Variants in CEMIP2 observed in about 807,000 individuals in gnomAD.
CEMIP2 encodes the protein cell migration inducing hyaluronidase 2.
In CEMIP2, 79 loss-of-function variants were observed where a neutral mutation model predicts 146.9. That is an observed-to-expected ratio of 0.54 (90% CI 0.45 to 0.65). The LOEUF (loss-of-function observed/expected upper bound fraction) is 0.65, where lower values mean the gene tolerates loss of function less well. Among genes scored for constraint, CEMIP2 ranks in the 30% least tolerant of loss-of-function variants. CEMIP2 has a pLI of 0.00. For missense variants in CEMIP2, 1,596 were observed against 1,696.2 expected (o/e 0.94, Z 1.04); for synonymous variants, 601 against 606.3 (o/e 0.99, Z 0.13).
intron 12 of CEMIP2, among the ~76,000 whole-genome samples, chr9:71,719,363 C>T (rs1307846693): frequency 6.6e-6 from 1 of 152,018 alleles, no homozygotes; most frequent in Non-Finnish European, 1.5e-5. Context: ...AGGAAGTTTG[C>T]TGGAGAGAAA....
At chr9:71,731,592 A>G (rs72737976) in intron 7 of CEMIP2, among the ~76,000 whole-genome samples, 10,700 of 152,120 alleles carry the variant, frequency 0.07, 541 homozygotes, top group South Asian at 0.19. Flanking sequence ...TTAGCCAGGC[A>G]CTGTGGTGTA....
intron 5 of CEMIP2, among the ~76,000 whole-genome samples, chr9:71,735,532 A>T (rs11142987): frequency 0.013 from 2,016 of 152,270 alleles, 33 homozygotes; most frequent in African/African-American, 0.046. Context: ...CACACCTGTA[A>T]TCCCAGCACT....
chr9:71,700,510 C>T (rs1237837345), intron 19 of CEMIP2, 132 bp downstream of exon 19: 5 of 903,066 alleles, frequency 5.5e-6, no homozygotes, highest in Non-Finnish European at 8.1e-6. Flanking sequence ...CTCTAAACCT[C>T]TAATAGAGAA....
At chr9:71,716,415 G>T in intron 14 of CEMIP2, 102 bp downstream of exon 14, 3 of 1,002,092 alleles carry the variant, frequency 3.0e-6, no homozygotes, top group South Asian at 1.6e-5. Flanking sequence ...TTTTTTTTAT[G>T]TTAAAAAAAA....
chr9:71,744,671 A>G (rs1368399082), intron 4 of CEMIP2, among the ~76,000 whole-genome samples: 1 of 152,212 alleles, frequency 6.6e-6, no homozygotes, highest in Non-Finnish European at 1.5e-5. Context: ...AATTAGCCTG[A>G]GTTTCATATG....
chr9:71,714,581 T>C (rs1237652841), intron 15 of CEMIP2, among the ~76,000 whole-genome samples: 1 of 152,142 alleles, frequency 6.6e-6, no homozygotes, highest in Non-Finnish European at 1.5e-5. Flanking sequence ...CCTAATGTCA[T>C]AGTTTAGGGT....
Position 71,740,092 on chromosome 9 carries a change from G to C in CEMIP2, c.1175C>G (p.Ser392Cys), listed in dbSNP as rs751166066. The C allele has an allele frequency of 5.0e-6, 8 of 1,613,838 alleles. No homozygotes were observed. The South Asian group carries it at 8.8e-5, about 18-fold the overall frequency. The change falls in exon 5 of 24, where the codon TCT becomes TGT. Residue 392 changes from serine (S) to cysteine (C), a missense_variant. Coordinates refer to ENST00000377044, the MANE Select transcript of CEMIP2 (RefSeq NM_013390.3). ...AATCCATTCACTATAAGCTGTCACA[G>C]AGAACTTCTGGCCATCCACAGTATA... Reference protein sequence around the residue: ...EFYTVDGQKFSVTAYSEWIEG... With the variant: ...EFYTVDGQKFCVTAYSEWIEG...
chr9:71,718,202 G>C (rs1823125527), intron 12 of CEMIP2, 123 bp from the exon 13 acceptor site: 1 of 916,806 alleles, frequency 1.1e-6, no homozygotes, highest in African/African-American at 1.7e-5. Flanking sequence ...AAATTCTTAA[G>C]ATACAACTTA....
Position 71,684,806 on chromosome 9 carries a change from C to T in CEMIP2, c.*391G>A, listed in dbSNP as rs1473784257. ...CCACCCGACCCAACTGAGCATTAAA[C>T]TTCAAGTATCCAAGGTGCTACAATA... On this transcript the variant is annotated 3_prime_UTR_variant, in exon 24 of 24. Coordinates refer to ENST00000377044, the MANE Select transcript of CEMIP2 (RefSeq NM_013390.3). 6.2e-6 allele frequency: 1 copy of T among 161,844 alleles called. No individual in the cohort carries two copies. The highest frequency in any genetic ancestry group is 2.4e-5 in the African/African-American group (1 of 41,866). The allele number at this position is 161,844 out of a possible 1,614,324, so 10.0% of individuals were successfully genotyped here. A position where few individuals can be genotyped will look rare whatever the true frequency, so the allele number is the denominator to read the frequency against.
chr9:71,766,429 A>G (rs1156410299), intron 1 of CEMIP2, among the ~76,000 whole-genome samples: 1 of 152,172 alleles, frequency 6.6e-6, no homozygotes, highest in Admixed American at 6.5e-5. Flanking sequence ...AAACTTGCCC[A>G]AAGCATGTAG....
chr9:71,745,855 A>G (rs765213523), intron 3 of CEMIP2, among the ~76,000 whole-genome samples: 3 of 152,164 alleles, frequency 2.0e-5, no homozygotes, highest in East Asian at 1.9e-4. Context: ...TTATTTTTGT[A>G]TATGTTTACT....
At chr9:71,704,071 G>T (rs1027734728) in intron 18 of CEMIP2, among the ~76,000 whole-genome samples, 1 of 152,062 alleles carries the variant, frequency 6.6e-6, no homozygotes, top group African/African-American at 2.4e-5. Flanking sequence ...CCCTTGGATT[G>T]CCTGTGATTA....
At position 71,685,075 on chromosome 9, in the gene CEMIP2, C is replaced by T. The variant is rs1221951671; in HGVS notation, c.*122G>A. 16 of 907,834 alleles carry T rather than the reference C, an allele frequency of 1.8e-5. No homozygotes were observed. The highest frequency in any genetic ancestry group is 2.7e-5 in the East Asian group (1 of 37,578). 56.2% of individuals were successfully genotyped at this position (907,834 alleles called of 1,614,324 possible). A position where few individuals can be genotyped will look rare whatever the true frequency, so the allele number is the denominator to read the frequency against. On this transcript the variant is annotated 3_prime_UTR_variant, in exon 24 of 24. Transcript: ENST00000377044. The stretch of plus-strand genomic sequence containing the variant: ...AATAATTTCAAACGCTTTCTTTTCT[C>T]CCCATTCTGTATCAAACTGGAAAAT...
rs764428623 is a variant in CEMIP2 at position 71,745,405 on chromosome 9, G to A, written c.647C>T (p.Thr216Ile). ...CACACCAATAAACTTTTTGCCAAAT[G>A]TTGGCATACTTTCACCTTCATCTGA... ...GKSDEGESMP[T>I]FGKKFIGVEA... The change falls in exon 4 of 24, where the codon ACA (threonine) becomes ATA (isoleucine). Residue 216 changes from threonine (T) to isoleucine (I), a missense_variant. By Grantham distance (89) the Thr-to-Ile change is moderately conservative. Transcript: ENST00000377044. 1.1e-5 allele frequency: 17 copies of A among 1,613,982 alleles called. No individual in the cohort carries two copies. Among genetic ancestry groups the A allele is most frequent in the Non-Finnish European group, 1.4e-5 (17 of 1,180,026 alleles).
At chr9:71,713,189 G>C (rs557119610) in intron 15 of CEMIP2, among the ~76,000 whole-genome samples, 65 of 152,266 alleles carry the variant, frequency 4.3e-4, no homozygotes, top group South Asian at 2.3e-3. Context: ...TTGTGGGAGG[G>C]ACCCAGCGGG....
At chr9:71,734,707 G>A (rs576935973) in intron 6 of CEMIP2, 99 bp downstream of exon 6, 4 of 1,031,564 alleles carry the variant, frequency 3.9e-6, no homozygotes, top group Non-Finnish European at 5.6e-6. Flanking sequence ...GATGGTGGTG[G>A]TGGTAGTGAT....
rs1821961843 is a variant in CEMIP2, at chr9:71,683,519, A to ACACAC, written c.*1677_*1678insGTGTG. On this transcript the variant is annotated 3_prime_UTR_variant, in exon 24 of 24. Transcript: ENST00000377044. ...ACACGTAAAGATATTTAAGTCATAA[A>ACACAC]ACACACACACACACACACACACACA... The ACACAC allele has an allele frequency of 1.5e-5, 2 of 134,574 alleles. No individual in the cohort carries two copies. Among genetic ancestry groups the ACACAC allele is most frequent in the African/African-American group, 2.9e-5 (1 of 35,070 alleles). The allele number at this position is 134,574 out of a possible 1,614,324, so 8.3% of individuals were successfully genotyped here.
chr9:71,762,376 A>C (rs925976179), intron 1 of CEMIP2, among the ~76,000 whole-genome samples: 3 of 151,980 alleles, frequency 2.0e-5, no homozygotes, highest in African/African-American at 7.3e-5. Flanking sequence ...AGTCCCATCC[A>C]CTTAGAGGCC....
rs1374983818 is a variant in CEMIP2 at position 71,683,560 on chromosome 9, C to A, written c.*1637G>T. On this transcript the variant is annotated 3_prime_UTR_variant, in exon 24 of 24. Transcript: ENST00000377044. ...CACACACACACACACACTCTAATGA[C>A]CTTCAGGAACCATAATCCAATAATA... The A allele has an allele frequency of 2.1e-5, 1 of 46,792 alleles. No homozygotes were observed. Among genetic ancestry groups the A allele is most frequent in the African/African-American group, 1.1e-4 (1 of 9,470 alleles). The allele number at this position is 46,792 out of a possible 1,614,324, so 2.9% of individuals were successfully genotyped here. A position where few individuals can be genotyped will look rare whatever the true frequency, so the allele number is the denominator to read the frequency against.
Sources: allele counts gnomAD v4.1 joint callset (sites outside exome capture counted in the v4.1 genomes callset), GRCh38; gene constraint gnomAD v4.1.1; transcripts MANE v1.5; gene names NCBI Gene and HGNC (gene_info 2026-07-23, HGNC 2026-07-21).